Variants in RBFOX2 observed in about 807,000 individuals in gnomAD.
RBFOX2 encodes RNA binding fox-1 homolog 2.
Under a neutral mutation model 49.1 loss-of-function variants are expected in RBFOX2, and 10 were observed. The ratio of observed to expected loss-of-function variants is 0.20; its 90% CI spans 0.13 to 0.35. The LOEUF is 0.35. RBFOX2 is among the 10% of genes least tolerant of loss of function. RBFOX2 has a pLI of 1.00. For missense variants in RBFOX2, 323 were observed against 486.9 expected (o/e 0.66, Z 3.17); for synonymous variants, 183 against 187.4 (o/e 0.98, Z 0.19).
intron 1 of RBFOX2, among the ~76,000 whole-genome samples, chr22:36,002,220 T>C (rs2058455432): frequency 6.6e-6 from 1 of 152,184 alleles, no homozygotes; most frequent in Admixed American, 6.5e-5. Context: ...AAAGTTAAAA[T>C]GTGCAGACCC....
chr22:35,766,881 G>C (rs1214987862), intron 5 of RBFOX2, among the ~76,000 whole-genome samples: 1 of 152,138 alleles, frequency 6.6e-6, no homozygotes, highest in African/African-American at 2.4e-5. Flanking sequence ...TAACTGAAGG[G>C]ATGGGAAAGG....
chr22:35,904,362 T>C (rs1468929884), intron 1 of RBFOX2, among the ~76,000 whole-genome samples: 4 of 152,216 alleles, frequency 2.6e-5, no homozygotes, highest in African/African-American at 7.2e-5. Context: ...TTTGTGTATG[T>C]CAGATACAAC....
intron 9 of RBFOX2, 78 bp from the exon 11 acceptor site, chr22:35,756,222 C>A: frequency 3.0e-6 from 4 of 1,340,778 alleles, no homozygotes; most frequent in South Asian, 3.0e-5. Context: ...AGGACGGCAG[C>A]ATGCACATGC....
chr22:35,890,664 ACT>A (rs1442767005), intron 1 of RBFOX2, among the ~76,000 whole-genome samples: 1 of 152,078 alleles, frequency 6.6e-6, no homozygotes, highest in Non-Finnish European at 1.5e-5. Context: ...TCAAATTCTA[ACT>A]CTGACAATTG....
At chr22:35,934,329 T>C (rs2052796498) in intron 1 of RBFOX2, among the ~76,000 whole-genome samples, 2 of 152,236 alleles carry the variant, frequency 1.3e-5, no homozygotes, top group Middle Eastern at 3.4e-3. Flanking sequence ...ATGCTCTATA[T>C]TAAAATAAAA....
At chr22:35,923,718 C>T (rs999469437) in intron 1 of RBFOX2, among the ~76,000 whole-genome samples, 1 of 152,020 alleles carries the variant, frequency 6.6e-6, no homozygotes, top group Non-Finnish European at 1.5e-5. Context: ...CCTTCCCCCC[C>T]ACCCAAATAA....
chr22:35,832,389 A>T (rs1956969449), intron 1 of RBFOX2, among the ~76,000 whole-genome samples: 1 of 152,208 alleles, frequency 6.6e-6, no homozygotes, highest in Non-Finnish European at 1.5e-5. Context: ...AACAAAAAAG[A>T]AACTGACTAA....
intron 1 of RBFOX2, among the ~76,000 whole-genome samples, chr22:35,826,422 T>C (rs6000010): frequency 0.05 from 7,518 of 150,430 alleles, 223 homozygotes; most frequent in African/African-American, 0.07. Flanking sequence ...AAAGCATACA[T>C]AGTCCAAAAT....
At chr22:35,973,375 A>G (rs1326160284) in intron 1 of RBFOX2, among the ~76,000 whole-genome samples, 1 of 152,242 alleles carries the variant, frequency 6.6e-6, no homozygotes, top group East Asian at 1.9e-4. Context: ...GTTTATATCC[A>G]TAGAGGGGGG....
chr22:35,767,781 T>C (rs1023438367), intron 5 of RBFOX2, among the ~76,000 whole-genome samples: 13 of 152,172 alleles, frequency 8.5e-5, no homozygotes, highest in African/African-American at 3.1e-4. Flanking sequence ...GTGCTTATCA[T>C]GTGCACAAAG....
chr22:35,835,498 AG>A (rs1411029202), intron 1 of RBFOX2, among the ~76,000 whole-genome samples: 1 of 152,184 alleles, frequency 6.6e-6, no homozygotes, highest in Non-Finnish European at 1.5e-5. Context: ...AGAAAACTGG[AG>A]GAACAAAACC....
chr22:35,777,974 C>T, intron 4 of RBFOX2, 51 bp downstream of exon 5: 1 of 1,509,110 alleles, frequency 6.6e-7, no homozygotes, highest in African/African-American at 1.4e-5. Context: ...TTTAAAATAA[C>T]ATAAAACTCA....
rs559626751 is a variant in RBFOX2, at chr22:35,821,639, T to C, written c.28-11635A>G. ...AAAAAAAAAAAAAAAAAAGCAGTAGTATCCTATCCTTCACTCTGTCAGTCC... is the reference window on the plus strand; with the variant it reads ...AAAAAAAAAAAAAAAAAAGCAGTAGCATCCTATCCTTCACTCTGTCAGTCC... On this transcript the variant is annotated intron_variant, in intron 1 of 11. Coordinates refer to ENST00000405409, the Ensembl canonical transcript of RBFOX2. 4.3e-5 allele frequency among the ~76,000 whole-genome samples: 6 copies of C among 139,584 alleles called. No individual in the cohort carries two copies. The East Asian group carries it at 1.3e-3, about 30-fold the overall frequency. The allele number at this position is 139,584 out of a possible 152,430, so 91.6% of individuals were successfully genotyped here.
At chr22:35,778,276 G>A (rs1944382915) in intron 3 of RBFOX2, among the ~76,000 whole-genome samples, 198 bp from the exon 5 acceptor site, 1 of 152,178 alleles carries the variant, frequency 6.6e-6, no homozygotes, top group South Asian at 2.1e-4. Flanking sequence ...ATCCACCTGT[G>A]TGTGTGGAAG....
upstream of RBFOX2, among the ~76,000 whole-genome samples, chr22:35,965,932 C>G (rs2056534332): frequency 6.6e-6 from 1 of 152,140 alleles, no homozygotes; most frequent in South Asian, 2.1e-4. Flanking sequence ...GTGCATAACT[C>G]AATGAATTTT....
At chr22:35,939,309 C>G (rs1362855828), upstream of RBFOX2, 1 of 452,216 alleles carries the variant, frequency 2.2e-6, no homozygotes, top group African/African-American at 2.0e-5. Flanking sequence ...TGGTTTATTT[C>G]CAAATGTCCC....
chr22:35,796,891 T>C (rs549724344), intron 2 of RBFOX2, among the ~76,000 whole-genome samples: 2 of 152,296 alleles, frequency 1.3e-5, no homozygotes, highest in African/African-American at 4.8e-5. Flanking sequence ...AAAATTCTAA[T>C]TTCTACCAGG....
chr22:35,925,721 C>T (rs961202434), intron 1 of RBFOX2, among the ~76,000 whole-genome samples: 1 of 152,192 alleles, frequency 6.6e-6, no homozygotes, highest in East Asian at 1.9e-4. Flanking sequence ...TCCAAAGCTA[C>T]GCTACCCCAC....
intron 1 of RBFOX2, among the ~76,000 whole-genome samples, chr22:35,934,864 A>C (rs2052870441): frequency 6.6e-6 from 1 of 152,242 alleles, no homozygotes; most frequent in Non-Finnish European, 1.5e-5. Context: ...GCACATGCAC[A>C]AATCACAAAC....
Sources: gnomAD v4.1 joint callset for allele counts (sites outside exome capture counted in the v4.1 genomes callset) on GRCh38, gnomAD v4.1.1 for gene constraint, MANE v1.5 for transcripts, NCBI Gene and HGNC (gene_info 2026-07-23, HGNC 2026-07-21) for gene names.